PPP2R5E: variants seen among roughly 807,000 people sequenced by gnomAD.
PPP2R5E encodes serine/threonine-protein phosphatase 2A 56 kDa regulatory subunit epsilon isoform.
Under a neutral mutation model 65.3 loss-of-function variants are expected in PPP2R5E, and 4 were observed. That is an observed-to-expected ratio of 0.06 (90% CI 0.03 to 0.14). The LOEUF (loss-of-function observed/expected upper bound fraction) is 0.14, where lower values mean the gene tolerates loss of function less well. PPP2R5E is among the 10% of genes least tolerant of loss of function. The pLI is 1.00. For synonymous variants in PPP2R5E, 183 were observed against 187.4 expected (o/e 0.98, Z 0.19); for missense variants, 274 against 556.1 (o/e 0.49, Z 5.10).
chr14:63,398,862 G>A (rs761931552), intron 5 of PPP2R5E, among the ~76,000 whole-genome samples: 1 of 152,144 alleles, frequency 6.6e-6, no homozygotes, highest in African/African-American at 2.4e-5. Context: ...GAAAAAGAGG[G>A]ATAATAAAAA....
At chr14:63,532,219 T>C (rs1401758180) in intron 2 of PPP2R5E, among the ~76,000 whole-genome samples, 1 of 152,180 alleles carries the variant, frequency 6.6e-6, no homozygotes, top group African/African-American at 2.4e-5. Context: ...GACTGGTTGC[T>C]TCTGGGAAGG....
At chr14:63,497,167 T>C (rs1566744365) in intron 2 of PPP2R5E, among the ~76,000 whole-genome samples, 1 of 152,132 alleles carries the variant, frequency 6.6e-6, no homozygotes, top group African/African-American at 2.4e-5. Flanking sequence ...ATCACAAACA[T>C]GCAATACCTA....
At chr14:63,484,334 T>TTCTCTCTCTC (rs1322678985) in intron 2 of PPP2R5E, among the ~76,000 whole-genome samples, 1 of 125,236 alleles carries the variant, frequency 8.0e-6, no homozygotes, top group African/African-American at 2.9e-5. Context: ...TTCTTTCTCT[T>TTCTCTCTCTC]TCTCTCTCTC....
At chr14:63,496,566 A>T (rs1222545181) in intron 2 of PPP2R5E, among the ~76,000 whole-genome samples, 2 of 152,088 alleles carry the variant, frequency 1.3e-5, no homozygotes, top group Non-Finnish European at 2.9e-5. Context: ...AACTAAGAAC[A>T]TATACAGAGG....
At chr14:63,484,581 G>A (rs1232078257) in intron 2 of PPP2R5E, among the ~76,000 whole-genome samples, 1 of 152,066 alleles carries the variant, frequency 6.6e-6, no homozygotes, top group Non-Finnish European at 1.5e-5. Context: ...CAAGAACGAG[G>A]CTATTACAGA....
At chr14:63,418,405 T>C (rs1248247508) in intron 4 of PPP2R5E, among the ~76,000 whole-genome samples, 3 of 152,200 alleles carry the variant, frequency 2.0e-5, no homozygotes, top group African/African-American at 7.2e-5. Context: ...GTGGAAACAC[T>C]TCAGACATAT....
chr14:63,411,814 G>A (rs578187240), intron 5 of PPP2R5E, among the ~76,000 whole-genome samples: 7 of 152,034 alleles, frequency 4.6e-5, no homozygotes, highest in East Asian at 3.9e-4. Flanking sequence ...GCCATGCTTC[G>A]TGTACAGTCC....
intron 2 of PPP2R5E, among the ~76,000 whole-genome samples, chr14:63,528,254 A>T (rs1441802865): frequency 6.6e-6 from 1 of 152,218 alleles, no homozygotes; most frequent in Non-Finnish European, 1.5e-5. Flanking sequence ...TGTAAGTTTT[A>T]CAAATCAGAG....
chr14:63,416,292 A>G (rs1398808055), intron 4 of PPP2R5E, among the ~76,000 whole-genome samples: 1 of 152,198 alleles, frequency 6.6e-6, no homozygotes, highest in Non-Finnish European at 1.5e-5. Context: ...CTGTTTCTCT[A>G]AAAAATACAT....
chr14:63,417,113 T>C (rs1242306224), intron 4 of PPP2R5E, among the ~76,000 whole-genome samples: 1 of 152,236 alleles, frequency 6.6e-6, no homozygotes, highest in Non-Finnish European at 1.5e-5. Context: ...TGGATCTTTA[T>C]CCATGCATGC....
At chr14:63,447,457 C>T (rs1355362878) in intron 3 of PPP2R5E, among the ~76,000 whole-genome samples, 2 of 152,234 alleles carry the variant, frequency 1.3e-5, no homozygotes, top group Non-Finnish European at 2.9e-5. Context: ...TCTTCTGCAG[C>T]TTCCTCAACT....
intron 2 of PPP2R5E, among the ~76,000 whole-genome samples, chr14:63,465,353 C>G (rs937829226): frequency 6.0e-5 from 9 of 151,090 alleles, no homozygotes; most frequent in Non-Finnish European, 1.0e-4. Context: ...GTGGCTCACG[C>G]CCGTAATCCC....
At chr14:63,441,081 T>A (rs1158438280) in intron 3 of PPP2R5E, among the ~76,000 whole-genome samples, 1 of 152,156 alleles carries the variant, frequency 6.6e-6, no homozygotes, top group Non-Finnish European at 1.5e-5. Flanking sequence ...CAAAATGGTA[T>A]CTATTAGATA....
chr14:63,497,605 G>A (rs972871902), intron 2 of PPP2R5E, among the ~76,000 whole-genome samples: 25 of 150,894 alleles, frequency 1.7e-4, no homozygotes, highest in Non-Finnish European at 2.5e-4. Flanking sequence ...AAAATTAGCC[G>A]GACATGGTGG....
intron 5 of PPP2R5E, among the ~76,000 whole-genome samples, chr14:63,399,483 G>A (rs1338130368): frequency 2.1e-5 from 3 of 139,772 alleles, no homozygotes; most frequent in African/African-American, 5.4e-5. Context: ...GGGTTCAAGC[G>A]ATTCTCCTGC....
At chr14:63,494,424 A>T (rs1471262031) in intron 2 of PPP2R5E, among the ~76,000 whole-genome samples, 1 of 151,962 alleles carries the variant, frequency 6.6e-6, no homozygotes, top group Non-Finnish European at 1.5e-5. Context: ...TAGTAGAGAC[A>T]GAGTCTTACC....
intron 5 of PPP2R5E, among the ~76,000 whole-genome samples, chr14:63,406,410 CA>C (rs569875121): frequency 0.019 from 1,570 of 83,306 alleles, 16 homozygotes; most frequent in Middle Eastern, 0.038. Context: ...GACTTCATCT[CA>C]AAAAAAAAAA....
At chr14:63,530,531 C>T (rs999134556) in intron 2 of PPP2R5E, among the ~76,000 whole-genome samples, 2 of 151,634 alleles carry the variant, frequency 1.3e-5, no homozygotes, top group African/African-American at 4.9e-5. Context: ...CAACACCTGG[C>T]CAGGATTAAG....
intron 1 of PPP2R5E, among the ~76,000 whole-genome samples, chr14:63,540,412 C>G (rs1188961165): frequency 4.3e-5 from 5 of 115,886 alleles, no homozygotes; most frequent in African/African-American, 1.8e-4. Flanking sequence ...GCCTGGGCAA[C>G]AGAGCAAGAG....
Sources: allele counts gnomAD v4.1 joint callset (sites outside exome capture counted in the v4.1 genomes callset), GRCh38; gene constraint gnomAD v4.1.1; transcripts MANE v1.5; gene names NCBI Gene and HGNC (gene_info 2026-07-23, HGNC 2026-07-21).